DIS3L2: variants seen among roughly 807,000 people sequenced by gnomAD.
DIS3L2 encodes the protein DIS3 like 3'-5' exoribonuclease 2.
Under a neutral mutation model 97.5 loss-of-function variants are expected in DIS3L2, and 34 were observed. That is an observed-to-expected ratio of 0.35 (90% CI 0.27 to 0.46). The LOEUF (loss-of-function observed/expected upper bound fraction) is 0.46, where lower values mean the gene tolerates loss of function less well. Among genes scored for constraint, DIS3L2 ranks in the 20% least tolerant of loss-of-function variants. The pLI is 1.00. For missense variants in DIS3L2, 1,038 were observed against 1,146.0 expected, an observed-to-expected ratio of 0.91 and a Z score of 1.36; for synonymous variants, 435 against 445.2, an observed-to-expected ratio of 0.98 and a Z score of 0.29.
intron 1 of DIS3L2, chr2:231,978,531 T>C (rs941243079): frequency 7.9e-5 from 12 of 152,256 alleles, no homozygotes; most frequent in African/African-American, 2.9e-4. Flanking sequence ...ATTTTCCTTA[T>C]TCATCTCAGA....
chr2:232,034,112 G>T (rs1694887944), intron 5 of DIS3L2, among the ~76,000 whole-genome samples: 1 of 152,032 alleles, frequency 6.6e-6, no homozygotes. Flanking sequence ...CCTTTTTTTG[G>T]TTGGTAGGCT....
At chr2:232,107,384 T>A (rs1465902815) in intron 6 of DIS3L2, among the ~76,000 whole-genome samples, 1 of 151,696 alleles carries the variant, frequency 6.6e-6, no homozygotes, top group Non-Finnish European at 1.5e-5. Flanking sequence ...GGAGAGAAGA[T>A]TCAAATAAAT....
chr2:232,058,496 G>A (rs1695609049), intron 5 of DIS3L2, among the ~76,000 whole-genome samples: 1 of 152,148 alleles, frequency 6.6e-6, no homozygotes, highest in South Asian at 2.1e-4. Context: ...GCAGGTTGTG[G>A]AAGGTGTAGG....
At chr2:232,328,473 G>A (rs1248236650) in intron 14 of DIS3L2, 2 of 152,222 alleles carry the variant, frequency 1.3e-5, no homozygotes, top group Non-Finnish European at 2.9e-5. Context: ...CTGGGTGGAG[G>A]AGGGGCTCTA....
chr2:232,194,901 T>A (rs1205924677), intron 9 of DIS3L2, among the ~76,000 whole-genome samples: 1 of 152,192 alleles, frequency 6.6e-6, no homozygotes, highest in African/African-American at 2.4e-5. Context: ...CACTCCATTC[T>A]TCACTATGTT....
chr2:232,210,548 G>T, intron 10 of DIS3L2, 143 bp downstream of exon 10: 1 of 693,596 alleles, frequency 1.4e-6, no homozygotes, highest in Non-Finnish European at 2.6e-6. Context: ...AGGCCTCTGA[G>T]CCTTTACAAC....
At chr2:231,967,617 A>G (rs1233057180) in intron 1 of DIS3L2, among the ~76,000 whole-genome samples, 1 of 152,212 alleles carries the variant, frequency 6.6e-6, no homozygotes, top group Non-Finnish European at 1.5e-5. Context: ...TCAGAAATTT[A>G]CATGTTTCTT....
chr2:232,127,631 T>A (rs923617774), intron 6 of DIS3L2, among the ~76,000 whole-genome samples: 6 of 152,236 alleles, frequency 3.9e-5, no homozygotes, highest in African/African-American at 1.4e-4. Flanking sequence ...ACTTAAATTC[T>A]GGCTTCTTAT....
At chr2:232,202,333 G>A (rs1239946043) in intron 9 of DIS3L2, among the ~76,000 whole-genome samples, 1 of 152,154 alleles carries the variant, frequency 6.6e-6, no homozygotes, top group Non-Finnish European at 1.5e-5. Context: ...GGGAGGCGGA[G>A]GTTGCAGTGA....
intron 5 of DIS3L2, among the ~76,000 whole-genome samples, chr2:232,030,757 A>C (rs759433796): frequency 6.6e-6 from 1 of 152,190 alleles, no homozygotes; most frequent in Non-Finnish European, 1.5e-5. Context: ...GATTGGAGAC[A>C]TGTATCTAAG....
At chr2:232,060,063 T>C (rs1023383511) in intron 5 of DIS3L2, among the ~76,000 whole-genome samples, 1 of 152,182 alleles carries the variant, frequency 6.6e-6, no homozygotes, top group African/African-American at 2.4e-5. Flanking sequence ...TACATTCTGG[T>C]TGTTAATCCC....
At chr2:231,982,684 T>A (rs1242024718) in intron 1 of DIS3L2, among the ~76,000 whole-genome samples, 1 of 109,308 alleles carries the variant, frequency 9.1e-6, no homozygotes, top group Non-Finnish European at 1.7e-5. Flanking sequence ...TATTCAAGCA[T>A]TTTTTTTTTT....
chr2:232,169,905 A>G (rs1249771429), intron 9 of DIS3L2, among the ~76,000 whole-genome samples: 1 of 152,210 alleles, frequency 6.6e-6, no homozygotes, highest in Non-Finnish European at 1.5e-5. Flanking sequence ...GTTGAGAGAA[A>G]TAGTGTTTAT....
chr2:232,268,158 G>C lies in DIS3L2; in HGVS notation c.1659+4718G>C, dbSNP rs1282177574. On this transcript the variant is annotated intron_variant, in intron 13 of 20. Transcript: ENST00000325385. The surrounding 1 kb of genome is among the most constrained non-coding windows in gnomAD (Gnocchi z 4.1). ...CAGTTCCTTCTGGGTCACTGACTTT[G>C]GGAATTCAGAGGAAGTTGAAGTAGT... 6.6e-6 allele frequency among the ~76,000 whole-genome samples: 1 copy of C among 152,144 alleles called. No homozygotes were observed. The highest frequency in any genetic ancestry group is 1.9e-4 in the East Asian group (1 of 5,198).
intron 5 of DIS3L2, among the ~76,000 whole-genome samples, chr2:232,043,051 T>C (rs1695151998): frequency 6.6e-6 from 1 of 152,218 alleles, no homozygotes; most frequent in African/African-American, 2.4e-5. Context: ...TCACATAAAA[T>C]GTTGGTGTTT....
chr2:232,333,053 C>G (rs1386564150), intron 16 of DIS3L2, among the ~76,000 whole-genome samples: 1 of 151,882 alleles, frequency 6.6e-6, no homozygotes, highest in African/African-American at 2.4e-5. Context: ...CAGCAGACAG[C>G]GTCTGCAGCC....
chr2:231,969,302 C>T (rs754780046), intron 1 of DIS3L2, among the ~76,000 whole-genome samples: 1 of 150,436 alleles, frequency 6.6e-6, no homozygotes, highest in Non-Finnish European at 1.5e-5. Context: ...TCTTATTAGT[C>T]CTAGACCTTT....
At chr2:232,184,305 G>A (rs1211753464) in intron 9 of DIS3L2, among the ~76,000 whole-genome samples, 1 of 152,172 alleles carries the variant, frequency 6.6e-6, no homozygotes, top group Non-Finnish European at 1.5e-5. Context: ...CTGCAGAAAA[G>A]CTACAAGCTT....
chr2:232,158,576 G>A (rs1467651804), intron 8 of DIS3L2, among the ~76,000 whole-genome samples: 1 of 152,218 alleles, frequency 6.6e-6, no homozygotes, highest in East Asian at 1.9e-4. Context: ...TAGAGATGAA[G>A]CATGTAATTC....
Sources: allele counts gnomAD v4.1 joint callset (sites outside exome capture counted in the v4.1 genomes callset), GRCh38; gene constraint gnomAD v4.1.1; non-coding constraint Gnocchi (gnomAD v3.1); transcripts MANE v1.5; gene names NCBI Gene and HGNC (gene_info 2026-07-23, HGNC 2026-07-21).